Variants in DNAH5 observed in about 807,000 individuals in gnomAD.
The protein encoded by DNAH5 is axonemal beta dynein heavy chain 5.
Under a neutral mutation model 518.2 loss-of-function variants are expected in DNAH5, and 372 were observed. The observed-to-expected ratio is 0.72, with a 90% CI of 0.66 to 0.78. DNAH5 has a LOEUF of 0.78. Among genes scored for constraint, DNAH5 ranks in the 30% least tolerant of loss-of-function variants. DNAH5 has a pLI of 0.00. For synonymous variants in DNAH5, 2,039 were observed against 2,025.9 expected (o/e 1.01, Z -0.17); for missense variants, 5,523 against 5,687.0 (o/e 0.97, Z 0.93).
chr5:13,759,831 G>A (rs1751530616), intron 60 of DNAH5, among the ~76,000 whole-genome samples: 1 of 152,138 alleles, frequency 6.6e-6, no homozygotes, highest in South Asian at 2.1e-4. Flanking sequence ...TTCATGGGAT[G>A]ACTAGAAGGC....
At chr5:13,747,535 T>A (rs1225887391) in intron 65 of DNAH5, among the ~76,000 whole-genome samples, 12 of 152,176 alleles carry the variant, frequency 7.9e-5, no homozygotes, top group African/African-American at 2.9e-4. Flanking sequence ...TTTCTCCACA[T>A]CCTCTCCAGC....
intron 40 of DNAH5, among the ~76,000 whole-genome samples, chr5:13,822,296 G>A (rs1762334336): frequency 6.6e-6 from 1 of 151,590 alleles, no homozygotes; most frequent in Non-Finnish European, 1.5e-5. Context: ...TGTCACTCAG[G>A]CTGGAGTGCA....
chr5:13,787,700 C>A (rs182448289), intron 51 of DNAH5, among the ~76,000 whole-genome samples: 8 of 147,608 alleles, frequency 5.4e-5, no homozygotes, highest in Admixed American at 2.7e-4. Context: ...TTTTAATTAC[C>A]TTGTAAGATG....
At chr5:13,826,433 G>GA (rs1295482810) in intron 38 of DNAH5, among the ~76,000 whole-genome samples, 3 of 152,212 alleles carry the variant, frequency 2.0e-5, no homozygotes, top group African/African-American at 7.2e-5. Flanking sequence ...CCCATGTGTC[G>GA]TGGGAGGGAC....
intron 35 of DNAH5, among the ~76,000 whole-genome samples, chr5:13,831,975 A>G (rs1404902659): frequency 6.6e-6 from 1 of 152,152 alleles, no homozygotes; most frequent in African/African-American, 2.4e-5. Context: ...AGACAAGCCA[A>G]GTCTTCTCAC....
intron 1 of DNAH5, among the ~76,000 whole-genome samples, chr5:13,993,275 G>A (rs913984376): frequency 6.6e-6 from 1 of 152,150 alleles, no homozygotes; most frequent in African/African-American, 2.4e-5. Flanking sequence ...ATTCAGAAAG[G>A]AGTTAAATAC....
chr5:13,881,096 A>G (rs1390997408), intron 21 of DNAH5, among the ~76,000 whole-genome samples: 1 of 152,058 alleles, frequency 6.6e-6, no homozygotes, highest in African/African-American at 2.4e-5. Context: ...CTTCAAAATT[A>G]TATTATAATC....
In DNAH5 at chr5:13,692,151, A is replaced by C. The variant is rs1243206625; in HGVS notation, c.13724-16T>G. 1 of 1,613,802 alleles carries C rather than the reference A, an allele frequency of 6.2e-7. No individual in the cohort carries two copies. Among genetic ancestry groups the C allele is most frequent in the Admixed American group, 1.7e-5 (1 of 60,012 alleles). On this transcript the variant is annotated splice_polypyrimidine_tract_variant and intron_variant, in intron 78 of 78. Transcript: ENST00000265104. Reference sequence around the variant, plus strand: ...TCTCGTAAAGCTACAAAAAACATAAAAGAAAAGAACTTGGTGAAATTTCCA... The same window carrying C: ...TCTCGTAAAGCTACAAAAAACATAACAGAAAAGAACTTGGTGAAATTTCCA...
intron 65 of DNAH5, among the ~76,000 whole-genome samples, chr5:13,745,727 G>C (rs1749237888): frequency 6.6e-6 from 1 of 151,992 alleles, no homozygotes; most frequent in Non-Finnish European, 1.5e-5. Context: ...CTCTGTTTCA[G>C]CCCCACATTC....
Position 13,788,711 on chromosome 5 carries a change from T to C in DNAH5, c.8647+5A>G. The C allele has an allele frequency of 1.2e-6, 2 of 1,612,936 alleles. No individual in the cohort carries two copies. The highest frequency in any genetic ancestry group is 8.5e-7 in the Non-Finnish European group (1 of 1,178,938). On this transcript the variant is annotated splice_donor_5th_base_variant and intron_variant, in intron 51 of 78. Coordinates refer to ENST00000265104, the MANE Select transcript of DNAH5 (RefSeq NM_001369.3). ...GGAATTCCAAATTCCACTTCAATAG[T>C]TTACCTGCAGCTTCAGGTGCATCTC...
chr5:13,747,477 A>C (rs1749556492), intron 65 of DNAH5, among the ~76,000 whole-genome samples: 1 of 152,206 alleles, frequency 6.6e-6, no homozygotes, highest in Non-Finnish European at 1.5e-5. Flanking sequence ...GTCTTCCACA[A>C]TGGTTGAACT....
intron 35 of DNAH5, among the ~76,000 whole-genome samples, chr5:13,835,426 C>T (rs1439176873): frequency 1.3e-5 from 2 of 152,154 alleles, no homozygotes; most frequent in Non-Finnish European, 2.9e-5. Context: ...AAGAGCCAGG[C>T]CGGCAAGCTT....
At chr5:13,969,448 A>C (rs1424702735) in intron 1 of DNAH5, among the ~76,000 whole-genome samples, 1 of 152,132 alleles carries the variant, frequency 6.6e-6, no homozygotes, top group Non-Finnish European at 1.5e-5. Context: ...TGCTGTGGGC[A>C]TTCAATGCTA....
intron 68 of DNAH5, among the ~76,000 whole-genome samples, chr5:13,730,922 A>T (rs1345971041): frequency 1.3e-5 from 2 of 151,166 alleles, no homozygotes; most frequent in Non-Finnish European, 3.0e-5. Context: ...CTGGTCTCGA[A>T]CTCCCGACCC....
intron 28 of DNAH5, among the ~76,000 whole-genome samples, chr5:13,864,086 C>T (rs536632475): frequency 6.6e-6 from 1 of 152,380 alleles, no homozygotes; most frequent in African/African-American, 2.4e-5. Context: ...GTGAACCAAA[C>T]TCATCTACCA....
intron 1 of DNAH5, among the ~76,000 whole-genome samples, chr5:13,991,598 G>A (rs1783555817): frequency 6.6e-6 from 1 of 151,294 alleles, no homozygotes; most frequent in Non-Finnish European, 1.5e-5. Context: ...AGGGGGAAGA[G>A]GAGGAGGAAG....
At chr5:13,988,441 A>T (rs1421942506) in intron 1 of DNAH5, among the ~76,000 whole-genome samples, 1 of 151,600 alleles carries the variant, frequency 6.6e-6, no homozygotes, top group African/African-American at 2.4e-5. Flanking sequence ...TCTTTGAGAC[A>T]GAGTCTGGCT....
intron 78 of DNAH5, among the ~76,000 whole-genome samples, 186 bp downstream of exon 78, chr5:13,700,454 C>T (rs1741945304): frequency 2.0e-5 from 3 of 152,158 alleles, no homozygotes; most frequent in Non-Finnish European, 4.4e-5. Flanking sequence ...ACTATTGCCT[C>T]CTCAATATAC....
upstream of DNAH5, among the ~76,000 whole-genome samples, chr5:13,945,843 A>C (rs1384758104): frequency 6.6e-6 from 1 of 152,172 alleles, no homozygotes; most frequent in East Asian, 1.9e-4. Context: ...GGCCTCAAGC[A>C]ATTGCCCACC....
Sources: gnomAD v4.1 joint callset for allele counts (sites outside exome capture counted in the v4.1 genomes callset) on GRCh38, gnomAD v4.1.1 for gene constraint, MANE v1.5 for transcripts, NCBI Gene and HGNC (gene_info 2026-07-23, HGNC 2026-07-21) for gene names.